Variants in KCNN2 observed in about 807,000 individuals in gnomAD.
The protein encoded by KCNN2 is potassium calcium-activated channel subfamily N member 2, also known as small conductance calcium-activated potassium channel protein 2.
A neutral mutation model predicts 55.5 loss-of-function variants in KCNN2; 24 were observed. That is an observed-to-expected ratio of 0.43 (90% CI 0.31 to 0.61). KCNN2 has a LOEUF of 0.61. Among genes scored for constraint, KCNN2 ranks in the 20% least tolerant of loss-of-function variants. The pLI is 0.08. For missense variants in KCNN2, 754 were observed against 853.6 expected, an observed-to-expected ratio of 0.88 and a Z score of 1.45; for synonymous variants, 431 against 336.1, an observed-to-expected ratio of 1.28 and a Z score of -3.09.
At chr5:114,300,356 C>T (rs1048118952) in intron 2 of KCNN2, among the ~76,000 whole-genome samples, 4 of 152,156 alleles carry the variant, frequency 2.6e-5, no homozygotes, top group Non-Finnish European at 2.9e-5. Flanking sequence ...ACAACAGTCT[C>T]AGCCTCCAGA....
intron 3 of KCNN2, among the ~76,000 whole-genome samples, chr5:114,409,980 A>T (rs1331422583): frequency 6.6e-6 from 1 of 152,100 alleles, no homozygotes; most frequent in East Asian, 1.9e-4. Flanking sequence ...CCCAGACCAG[A>T]CCACAGTAAT....
chr5:114,269,219 T>C lies in KCNN2; in HGVS notation c.-185+47654T>C, dbSNP rs563681534. The stretch of plus-strand genomic sequence containing the variant: ...TTTCAAATACACAGTTTCCTACTCA[T>C]TGATTATTATTATTTTGAATTGTCT... On this transcript the variant is annotated intron_variant, in intron 2 of 10. Coordinates refer to the KCNN2 transcript ENST00000512097. 2.6e-5 allele frequency among the ~76,000 whole-genome samples: 4 copies of C among 152,226 alleles called. No homozygotes were observed. In the East Asian group the frequency reaches 7.7e-4, roughly 29 times the overall value.
intron 1 of KCNN2, among the ~76,000 whole-genome samples, chr5:114,105,173 C>G (rs759100002): frequency 6.6e-6 from 1 of 151,990 alleles, no homozygotes; most frequent in Non-Finnish European, 1.5e-5. Context: ...TGCAACTATT[C>G]CTGTTCATCT....
At position 114,399,930 on chromosome 5, in the gene KCNN2, G is replaced by GTT. The variant is rs35266559; in HGVS notation, c.1219-4497_1219-4496dup. Among the ~76,000 whole-genome samples, 838 of 129,836 alleles carry GTT rather than the reference G, an allele frequency of 6.5e-3. 12 individuals are homozygous for GTT. Among genetic ancestry groups the GTT allele is most frequent in the African/African-American group, 0.019 (663 of 35,738 alleles). 85.2% of individuals were successfully genotyped at this position (129,836 alleles called of 152,430 possible). ...GTAGCCTTTGAGGGTTTTTTTTTTTGTTTTTTTTTTTTGTATTTCTATGTG... is the reference window on the plus strand; with the variant it reads ...GTAGCCTTTGAGGGTTTTTTTTTTTGTTTTTTTTTTTTTTGTATTTCTATGTG... On this transcript the variant is annotated intron_variant, in intron 2 of 7. Transcript: ENST00000673685.
intron 2 of KCNN2, among the ~76,000 whole-genome samples, chr5:114,394,414 C>T (rs1236400125): frequency 6.6e-6 from 1 of 152,070 alleles, no homozygotes; most frequent in Non-Finnish European, 1.5e-5. Flanking sequence ...TGAACGTTTT[C>T]CCATGGTTTG....
chr5:114,436,876 G>C (rs996563617), intron 3 of KCNN2, among the ~76,000 whole-genome samples: 3 of 152,166 alleles, frequency 2.0e-5, no homozygotes, highest in Non-Finnish European at 2.9e-5. Context: ...AGGTTATTGA[G>C]CCTCTGAAAT....
intron 2 of KCNN2, among the ~76,000 whole-genome samples, chr5:114,355,031 T>C (rs1757272601): frequency 6.6e-6 from 1 of 152,218 alleles, no homozygotes; most frequent in African/African-American, 2.4e-5. Context: ...AGTGTTTTGT[T>C]GCTGGTGACA....
chr5:114,289,937 T>G (rs753940978), intron 2 of KCNN2, among the ~76,000 whole-genome samples: 1 of 152,214 alleles, frequency 6.6e-6, no homozygotes, highest in Non-Finnish European at 1.5e-5. Flanking sequence ...GTAAATAGAA[T>G]TATTTTTCAG....
At chr5:114,085,767 T>G (rs769702162) in intron 1 of KCNN2, among the ~76,000 whole-genome samples, 1 of 152,090 alleles carries the variant, frequency 6.6e-6, no homozygotes, top group Non-Finnish European at 1.5e-5. Context: ...TTTTTAAAAG[T>G]CTCCTTTATA....
intron 5 of KCNN2, among the ~76,000 whole-genome samples, chr5:114,479,232 A>AC (rs1762112215): frequency 1.3e-5 from 2 of 151,284 alleles, no homozygotes; most frequent in Admixed American, 6.6e-5. Context: ...ACTATAAAAA[A>AC]AAAAAAAGAA....
chr5:114,449,310 G>A (rs1350019547), intron 3 of KCNN2, among the ~76,000 whole-genome samples: 2 of 152,116 alleles, frequency 1.3e-5, no homozygotes, highest in Non-Finnish European at 2.9e-5. Context: ...GTAGTGTAGG[G>A]TAGAAGGGAG....
chr5:114,160,181 C>T (rs1184990864), intron 1 of KCNN2, among the ~76,000 whole-genome samples: 1 of 152,142 alleles, frequency 6.6e-6, no homozygotes, highest in African/African-American at 2.4e-5. Flanking sequence ...TAGAATGTGT[C>T]CCAGAGATTC....
In KCNN2 at chr5:114,160,949, T is replaced by C. The variant is rs1252791804; in HGVS notation, c.-270-60531T>C. Among the ~76,000 whole-genome samples the C allele has an allele frequency of 2.6e-5, 4 of 152,206 alleles. No individual in the cohort carries two copies. In the East Asian group the frequency reaches 7.7e-4, roughly 29 times the overall value. ...ATACAGCACACTGATGGGTCTTGAC[T>C]CTTTATCCAATTTGCCAGTCTGTGT... On this transcript the variant is annotated intron_variant, in intron 1 of 10. Coordinates refer to the KCNN2 transcript ENST00000512097.
intron 1 of KCNN2, among the ~76,000 whole-genome samples, chr5:114,166,469 A>G (rs946240056): frequency 1.3e-5 from 2 of 152,220 alleles, no homozygotes; most frequent in Non-Finnish European, 1.5e-5. Flanking sequence ...GTGTTTTTCA[A>G]AAAACACATA....
chr5:114,209,600 A>T (rs949090744), intron 1 of KCNN2, among the ~76,000 whole-genome samples: 1 of 152,140 alleles, frequency 6.6e-6, no homozygotes, highest in Non-Finnish European at 1.5e-5. Flanking sequence ...GATCAATGGC[A>T]AAAGTTCCTG....
At chr5:114,382,200 T>C (rs1758145293) in intron 2 of KCNN2, among the ~76,000 whole-genome samples, 1 of 152,230 alleles carries the variant, frequency 6.6e-6, no homozygotes, top group African/African-American at 2.4e-5. Flanking sequence ...TTACCGTTAC[T>C]ATTCTGCAGT....
At chr5:114,260,482 C>T (rs984742128) in intron 2 of KCNN2, among the ~76,000 whole-genome samples, 10 of 152,062 alleles carry the variant, frequency 6.6e-5, no homozygotes, top group South Asian at 4.1e-4. Flanking sequence ...TATTTGTTTG[C>T]GTGTATGTAA....
chr5:114,412,739 G>A (rs1759175567), intron 3 of KCNN2, among the ~76,000 whole-genome samples: 1 of 152,164 alleles, frequency 6.6e-6, no homozygotes, highest in Non-Finnish European at 1.5e-5. Flanking sequence ...CATTAGAGGT[G>A]CCTATTTCCT....
chr5:114,260,116 A>G (rs1248613557), intron 2 of KCNN2, among the ~76,000 whole-genome samples: 4 of 152,178 alleles, frequency 2.6e-5, no homozygotes, highest in Non-Finnish European at 4.4e-5. Context: ...CTCCAAGATA[A>G]CACTATCTTT....
Sources: gnomAD v4.1 joint callset for allele counts (sites outside exome capture counted in the v4.1 genomes callset) on GRCh38, gnomAD v4.1.1 for gene constraint, MANE v1.5 for transcripts, NCBI Gene and HGNC (gene_info 2026-07-23, HGNC 2026-07-21) for gene names.